The following RRM2B variants were observed in gnomAD, a reference collection of about 807,000 sequenced individuals.
RRM2B encodes the protein ribonucleoside-diphosphate reductase subunit M2 B.
RRM2B carries 20 observed loss-of-function variants against 45.9 expected under a neutral mutation model. The ratio of observed to expected loss-of-function variants is 0.44; its 90% CI spans 0.31 to 0.63. The LOEUF (loss-of-function observed/expected upper bound fraction) is 0.63. Among genes scored for constraint, RRM2B ranks in the 30% least tolerant of loss-of-function variants. The pLI is 0.09. For missense variants in RRM2B, 320 were observed against 414.7 expected (o/e 0.77, Z 1.98); for synonymous variants, 124 against 132.3 (o/e 0.94, Z 0.43).
At chr8:102,235,137 A>G (rs1477605955) in intron 1 of RRM2B, among the ~76,000 whole-genome samples, 1 of 152,250 alleles carries the variant, frequency 6.6e-6, no homozygotes, top group Non-Finnish European at 1.5e-5. Context: ...TCGCTTTTCT[A>G]GAAACATTGC....
At chr8:102,231,806 T>C (rs1438847029) in intron 2 of RRM2B, among the ~76,000 whole-genome samples, 3 of 150,768 alleles carry the variant, frequency 2.0e-5, no homozygotes, top group Non-Finnish European at 2.9e-5. Flanking sequence ...GAGGTGGAGT[T>C]TGCAGTGAGC....
intron 5 of RRM2B, among the ~76,000 whole-genome samples, chr8:102,221,696 T>C (rs748187421): frequency 3.3e-5 from 5 of 152,194 alleles, no homozygotes; most frequent in Non-Finnish European, 7.3e-5. Flanking sequence ...ATGGAGAATC[T>C]AGCTGGAGTC....
At chr8:102,212,100 T>TA (rs1810644816) in intron 8 of RRM2B, among the ~76,000 whole-genome samples, 1 of 152,234 alleles carries the variant, frequency 6.6e-6, no homozygotes, top group Non-Finnish European at 1.5e-5. Flanking sequence ...ATTATGTGTC[T>TA]AATATTATTT....
chr8:102,216,524 G>A (rs967979661), intron 6 of RRM2B, among the ~76,000 whole-genome samples: 1 of 152,078 alleles, frequency 6.6e-6, no homozygotes, highest in Non-Finnish European at 1.5e-5. Flanking sequence ...CTATAAAGGT[G>A]TACTTGTTGA....
intron 1 of RRM2B, among the ~76,000 whole-genome samples, chr8:102,232,768 GT>G (rs1288142041): frequency 1.3e-5 from 2 of 152,158 alleles, no homozygotes; most frequent in African/African-American, 4.8e-5. Flanking sequence ...CTACTTTAAT[GT>G]TTTTTCTTTC....
chr8:102,232,344 A>T (rs368528854), intron 1 of RRM2B, 40 bp from the exon 2 acceptor site: 14 of 1,593,058 alleles, frequency 8.8e-6, no homozygotes, highest in Non-Finnish European at 4.3e-6. Context: ...TTATATAGAC[A>T]TTTCTTCTTT....
chr8:102,213,988 A>G, intron 7 of RRM2B, 66 bp downstream of exon 7: 2 of 1,095,324 alleles, frequency 1.8e-6, no homozygotes, highest in Non-Finnish European at 2.8e-6. Flanking sequence ...CTTATGAGTC[A>G]ATATAATAGT....
intron 1 of RRM2B, 100 bp downstream of exon 1, chr8:102,238,727 T>A (rs1230962081): frequency 1.1e-5 from 17 of 1,592,900 alleles, no homozygotes; most frequent in Non-Finnish European, 1.5e-5. Context: ...AGGCCTGTCC[T>A]GACCGCGGCG....
intron 2 of RRM2B, among the ~76,000 whole-genome samples, chr8:102,229,019 G>T (rs1810982486): frequency 6.6e-6 from 1 of 152,210 alleles, no homozygotes; most frequent in South Asian, 2.1e-4. Context: ...ACTTTGGGAG[G>T]CCAAGGTGAG....
chr8:102,220,640 G>A (rs752741902), intron 5 of RRM2B, among the ~76,000 whole-genome samples: 9 of 152,080 alleles, frequency 5.9e-5, no homozygotes, highest in Admixed American at 3.3e-4. Flanking sequence ...GTCTCTCTAC[G>A]TTGCCCTGGC....
intron 6 of RRM2B, among the ~76,000 whole-genome samples, chr8:102,217,481 T>G (rs1247074445): frequency 6.6e-6 from 1 of 152,188 alleles, no homozygotes; most frequent in African/African-American, 2.4e-5. Flanking sequence ...AAAAAATACT[T>G]TCACATACAC....
At position 102,212,782 on chromosome 8, in the gene RRM2B, G is replaced by A. The variant is rs1810657241; in HGVS notation, c.897C>T (p.Phe299=). The A allele has an allele frequency of 6.4e-7, 1 of 1,554,974 alleles. No individual in the cohort carries two copies. Residue 299 remains phenylalanine, a synonymous_variant, in exon 8 of 9, where the codon TTC becomes TTT. Coordinates refer to ENST00000251810, the MANE Select transcript of RRM2B (RefSeq NM_015713.5). ...VADRLLVELG[F]SKVFQAENPF... is the part of the protein sequence containing the mutation. The stretch of plus-strand genomic sequence containing the variant: ...ACATTTTTAAACACATTACCTTTGA[G>A]AATCCAAGTTCCACAAGTAATCTGT...
At chr8:102,213,163 G>A (rs1000992716) in intron 7 of RRM2B, among the ~76,000 whole-genome samples, 5 of 151,876 alleles carry the variant, frequency 3.3e-5, no homozygotes, top group African/African-American at 1.2e-4. Context: ...TATAAGACTC[G>A]GATTCGTATG....
In RRM2B at chr8:102,238,638, TC is replaced by T. The variant is rs758091261; in HGVS notation, c.48+188del. 1.4e-4 allele frequency: 222 copies of T among 1,533,630 alleles called. 1 individual carries two copies. In the Middle Eastern group the frequency reaches 3.7e-3, roughly 26 times the overall value. ...AGCGGGACGCAAACCCAAAGTCAGCTCCTTCCTCCGCCCTCCCCGGGGACGG... is the reference window on the plus strand; with the variant it reads ...AGCGGGACGCAAACCCAAAGTCAGCTCTTCCTCCGCCCTCCCCGGGGACGG... On this transcript the variant is annotated intron_variant, in intron 1 of 8. Transcript: ENST00000251810.
At chr8:102,219,810 G>A (rs935775867) in intron 5 of RRM2B, among the ~76,000 whole-genome samples, 6 of 152,140 alleles carry the variant, frequency 3.9e-5, no homozygotes, top group South Asian at 2.1e-4. Context: ...ACTACAAACC[G>A]TTTTCATAGG....
chr8:102,236,449 A>G (rs1287723126), intron 1 of RRM2B, among the ~76,000 whole-genome samples: 2 of 152,214 alleles, frequency 1.3e-5, no homozygotes, highest in Non-Finnish European at 2.9e-5. Flanking sequence ...CAACTAAGGA[A>G]CCAATTTCAA....
chr8:102,212,920 C>T lies in RRM2B; in HGVS notation c.790-31G>A, dbSNP rs1466179905. ...ATGAAAACAAAAACAGAATAAAGTACAAACAAAACTATAAATATGTATTTT... is the reference window on the plus strand; with the variant it reads ...ATGAAAACAAAAACAGAATAAAGTATAAACAAAACTATAAATATGTATTTT... On this transcript the variant is annotated intron_variant, in intron 7 of 8. Transcript: ENST00000251810. 4 of 1,046,452 alleles carry T rather than the reference C, an allele frequency of 3.8e-6. No individual in the cohort carries two copies. In the Admixed American group the frequency reaches 5.2e-5, roughly 14 times the overall value. 64.8% of individuals were successfully genotyped at this position (1,046,452 alleles called of 1,614,324 possible).
chr8:102,210,469 G>T (rs1483456176), intron 8 of RRM2B, among the ~76,000 whole-genome samples: 4 of 148,190 alleles, frequency 2.7e-5, no homozygotes, highest in East Asian at 2.0e-4. Flanking sequence ...TTTTTGGTGG[G>T]TTTTTTTTTT....
chr8:102,223,986 A>C, intron 5 of RRM2B, 60 bp downstream of exon 5: 1 of 1,198,628 alleles, frequency 8.3e-7, no homozygotes, highest in Non-Finnish European at 1.2e-6. Flanking sequence ...GTCACACCAC[A>C]TAAAATACTG....
Sources: allele counts gnomAD v4.1 joint callset (sites outside exome capture counted in the v4.1 genomes callset), GRCh38; gene constraint gnomAD v4.1.1; transcripts MANE v1.5; gene names NCBI Gene and HGNC (gene_info 2026-07-23, HGNC 2026-07-21).